RCAN1: variants seen among roughly 807,000 people sequenced by gnomAD.
The protein encoded by RCAN1 is calcipressin-1.
RCAN1 carries 11 observed loss-of-function variants against 22.9 expected under a neutral mutation model. The observed-to-expected ratio is 0.48, with a 90% CI of 0.30 to 0.79. The LOEUF is 0.79. Among genes scored for constraint, RCAN1 ranks in the 30% least tolerant of loss-of-function variants. The probability of loss-of-function intolerance (pLI) is 0.06; values close to 1 mark genes in which losing one functional copy is unlikely to be tolerated. For missense variants in RCAN1, 291 were observed against 337.8 expected, an observed-to-expected ratio of 0.86 and a Z score of 1.09; for synonymous variants, 136 against 142.3, an observed-to-expected ratio of 0.96 and a Z score of 0.32.
At chr21:34,602,604 T>C (rs1472823342) in intron 1 of RCAN1, among the ~76,000 whole-genome samples, 1 of 152,130 alleles carries the variant, frequency 6.6e-6, no homozygotes, top group Admixed American at 6.5e-5. Flanking sequence ...TTGGGATGCA[T>C]GTGAGGGAAG....
At chr21:34,586,534 C>CA (rs1245183618) in intron 1 of RCAN1, among the ~76,000 whole-genome samples, 1 of 152,002 alleles carries the variant, frequency 6.6e-6, no homozygotes, top group East Asian at 1.9e-4. Flanking sequence ...TAAGATGCAG[C>CA]AAAAGCCATA....
At chr21:34,532,890 A>G (rs1297024178) in intron 1 of RCAN1, among the ~76,000 whole-genome samples, 4 of 152,102 alleles carry the variant, frequency 2.6e-5, no homozygotes, top group African/African-American at 9.7e-5. Context: ...CCCACTGCCC[A>G]CCTTATCAGT....
intron 1 of RCAN1, chr21:34,525,088 C>G (rs959007364): frequency 1.3e-6 from 2 of 1,550,522 alleles, no homozygotes; most frequent in Non-Finnish European, 1.7e-6. Context: ...CACTGAGGAC[C>G]TTGGAGAACC....
intron 1 of RCAN1, among the ~76,000 whole-genome samples, chr21:34,592,512 G>C (rs929561649): frequency 1.3e-5 from 2 of 152,126 alleles, no homozygotes; most frequent in Non-Finnish European, 1.5e-5. Flanking sequence ...CCCAGCACTA[G>C]GATTAGATGG....
chr21:34,570,312 AAAG>A (rs1987189838), intron 1 of RCAN1, among the ~76,000 whole-genome samples: 2 of 152,356 alleles, frequency 1.3e-5, no homozygotes, highest in South Asian at 2.1e-4. Flanking sequence ...AAGAAAAAAG[AAAG>A]AAGGAGCTTT....
intron 1 of RCAN1, among the ~76,000 whole-genome samples, chr21:34,567,194 C>A (rs1399434575): frequency 6.6e-6 from 1 of 152,134 alleles, no homozygotes; most frequent in Admixed American, 6.5e-5. Flanking sequence ...AAGTAATTTC[C>A]ACTAAAAAGA....
chr21:34,533,349 C>A (rs1663395618), intron 1 of RCAN1, among the ~76,000 whole-genome samples: 1 of 152,196 alleles, frequency 6.6e-6, no homozygotes, highest in South Asian at 2.1e-4. Context: ...TAGGTGTAAC[C>A]TCATTTTTTT....
rs773240735 is a variant in RCAN1 at position 34,566,933 on chromosome 21, C to T, written c.253-43223G>A. On this transcript the variant is annotated intron_variant, in intron 1 of 3. Coordinates refer to ENST00000313806, the MANE Select transcript of RCAN1 (RefSeq NM_004414.7). ...CACTACTGCAAGAACAGCACCCAGC[C>T]GTTCATGAGGGATCTACCCCCTTGA... 9.7e-4 allele frequency among the ~76,000 whole-genome samples: 148 copies of T among 152,072 alleles called. 9 individuals are homozygous for T. The highest frequency in any genetic ancestry group is 2.1e-4 in the South Asian group (1 of 4,830).
At chr21:34,564,416 A>G (rs1337912146) in intron 1 of RCAN1, among the ~76,000 whole-genome samples, 1 of 152,208 alleles carries the variant, frequency 6.6e-6, no homozygotes, top group Non-Finnish European at 1.5e-5. Context: ...AAGAACTGTG[A>G]GACTGCCAGA....
chr21:34,537,806 C>A (rs1462484167), intron 1 of RCAN1, among the ~76,000 whole-genome samples: 1 of 151,460 alleles, frequency 6.6e-6, no homozygotes, highest in Non-Finnish European at 1.5e-5. Flanking sequence ...GAGGGCATGG[C>A]CCTCACTCCC....
chr21:34,607,040 G>A (rs371487814), intron 1 of RCAN1, among the ~76,000 whole-genome samples: 15 of 152,160 alleles, frequency 9.9e-5, no homozygotes, highest in East Asian at 1.9e-4. Context: ...AATTCAGGCC[G>A]ACCTCAGATA....
intron 1 of RCAN1, among the ~76,000 whole-genome samples, chr21:34,592,512 G>A (rs929561649): frequency 6.6e-6 from 1 of 152,126 alleles, no homozygotes; most frequent in African/African-American, 2.4e-5. Flanking sequence ...CCCAGCACTA[G>A]GATTAGATGG....
chr21:34,590,079 C>T (rs1245293297), intron 1 of RCAN1, among the ~76,000 whole-genome samples: 1 of 152,252 alleles, frequency 6.6e-6, no homozygotes, highest in East Asian at 1.9e-4. Flanking sequence ...TGTTAGCACA[C>T]CACAGTCTGT....
Position 34,615,048 on chromosome 21 carries a change from T to G in RCAN1, c.-37A>C, listed in dbSNP as rs1988785336. 9.8e-7 allele frequency: 1 copy of G among 1,022,942 alleles called. No homozygotes were observed. The allele number at this position is 1,022,942 out of a possible 1,614,324, so 63.4% of individuals were successfully genotyped here. A position where few individuals can be genotyped will look rare whatever the true frequency, so the allele number is the denominator to read the frequency against. ...CGCGACCCTGTGCGCCCCAGCGGGC[T>G]GCTCCGGGCTTGCGCGCCGGAGCCT... On this transcript the variant is annotated 5_prime_UTR_variant, in exon 1 of 4. Coordinates refer to ENST00000313806, the MANE Select transcript of RCAN1 (RefSeq NM_004414.7).
chr21:34,579,262 G>A (rs1987523002), intron 1 of RCAN1, among the ~76,000 whole-genome samples: 1 of 152,130 alleles, frequency 6.6e-6, no homozygotes, highest in Non-Finnish European at 1.5e-5. Context: ...CAGGTACGGT[G>A]GTGCATGCCT....
At chr21:34,555,553 C>G (rs1459150198) in intron 1 of RCAN1, among the ~76,000 whole-genome samples, 1 of 142,776 alleles carries the variant, frequency 7.0e-6, no homozygotes, top group Non-Finnish European at 1.5e-5. Flanking sequence ...AGCCTGGCGA[C>G]AGAGCAAGGC....
intron 3 of RCAN1, among the ~76,000 whole-genome samples, chr21:34,519,279 G>A (rs1476736863): frequency 6.6e-6 from 1 of 152,210 alleles, no homozygotes; most frequent in Non-Finnish European, 1.5e-5. Context: ...TGAAATAGGG[G>A]CAGGAGGTTT....
intron 1 of RCAN1, among the ~76,000 whole-genome samples, chr21:34,563,406 G>C (rs917486031): frequency 2.0e-5 from 3 of 152,092 alleles, no homozygotes; most frequent in Non-Finnish European, 2.9e-5. Context: ...AAAAAGATAA[G>C]TTGTATAAAG....
At chr21:34,544,614 A>C (rs1986058826) in intron 1 of RCAN1, among the ~76,000 whole-genome samples, 1 of 152,184 alleles carries the variant, frequency 6.6e-6, no homozygotes. Flanking sequence ...ATATATATTT[A>C]CTGAATCAGA....
Sources: allele counts gnomAD v4.1 joint callset (sites outside exome capture counted in the v4.1 genomes callset), GRCh38; gene constraint gnomAD v4.1.1; transcripts MANE v1.5; gene names NCBI Gene and HGNC (gene_info 2026-07-23, HGNC 2026-07-21).